Variants in SYN3 observed in about 807,000 individuals in gnomAD.
SYN3 encodes synapsin III, also known as synapsin-3.
A neutral mutation model predicts 65.8 loss-of-function variants in SYN3; 35 were observed. That is an observed-to-expected ratio of 0.53 (90% CI 0.41 to 0.70). The LOEUF is 0.70. Among genes scored for constraint, SYN3 ranks in the 30% least tolerant of loss-of-function variants. SYN3 has a pLI of 0.00. For synonymous variants in SYN3, 270 were observed against 292.9 expected, an observed-to-expected ratio of 0.92 and a Z score of 0.80; for missense variants, 680 against 749.0, an observed-to-expected ratio of 0.91 and a Z score of 1.08.
chr22:32,899,758 C>T (rs532207121), intron 4 of SYN3, among the ~76,000 whole-genome samples: 3 of 152,308 alleles, frequency 2.0e-5, no homozygotes, highest in South Asian at 2.1e-4. Context: ...TTTGAGCCTT[C>T]GTTCTTTTAC....
At chr22:32,793,388 T>C (rs1298644536) in intron 6 of SYN3, among the ~76,000 whole-genome samples, 1 of 152,220 alleles carries the variant, frequency 6.6e-6, no homozygotes, top group Admixed American at 6.5e-5. Context: ...CTTCTGACCT[T>C]GTGTCTTACC....
intron 4 of SYN3, among the ~76,000 whole-genome samples, chr22:32,870,467 C>T (rs936232471): frequency 6.6e-5 from 10 of 152,280 alleles, no homozygotes; most frequent in East Asian, 5.8e-4. Flanking sequence ...CAATCATCTA[C>T]TATTATCATA....
chr22:33,018,010 G>A (rs2053498648), intron 1 of SYN3, among the ~76,000 whole-genome samples: 1 of 152,132 alleles, frequency 6.6e-6, no homozygotes, highest in East Asian at 1.9e-4. Context: ...AAGCAGAGAG[G>A]GGTCAGATCA....
chr22:32,758,681 C>CATATATATATATATATATATAT (rs71187211), intron 6 of SYN3, among the ~76,000 whole-genome samples: 1,662 of 32,704 alleles, frequency 0.051, 382 homozygotes, highest in Non-Finnish European at 0.075. Flanking sequence ...TTACTAAACT[C>CATATATATATATATATATATAT]ATATATATAT....
At chr22:32,954,098 C>CGAA in intron 3 of SYN3, among the ~76,000 whole-genome samples, 1 of 137,212 alleles carries the variant, frequency 7.3e-6, no homozygotes, top group African/African-American at 2.8e-5. Flanking sequence ...GTACCCACAC[C>CGAA]CAACAAAACA....
intron 6 of SYN3, among the ~76,000 whole-genome samples, chr22:32,726,349 G>A (rs1356629018): frequency 1.3e-5 from 2 of 152,132 alleles, no homozygotes; most frequent in Non-Finnish European, 2.9e-5. Context: ...CACCATGTTG[G>A]CCAGGATGTT....
At chr22:32,561,105 C>T (rs1247513635) in intron 7 of SYN3, among the ~76,000 whole-genome samples, 11 of 152,248 alleles carry the variant, frequency 7.2e-5, no homozygotes, top group Middle Eastern at 3.4e-3. Flanking sequence ...GTGGACAGCC[C>T]CAGTCAGACG....
At chr22:32,550,668 T>C (rs2058400286) in intron 7 of SYN3, among the ~76,000 whole-genome samples, 1 of 150,736 alleles carries the variant, frequency 6.6e-6, no homozygotes, top group Non-Finnish European at 1.5e-5. Context: ...TATGCATTTT[T>C]CCCTGTGTCT....
At chr22:32,658,328 C>T (rs2060170647) in intron 6 of SYN3, among the ~76,000 whole-genome samples, 1 of 152,192 alleles carries the variant, frequency 6.6e-6, no homozygotes, top group Non-Finnish European at 1.5e-5. Flanking sequence ...GTTTGACTTC[C>T]CCCAACCCCG....
chr22:32,827,536 T>C (rs1050582138), intron 6 of SYN3, among the ~76,000 whole-genome samples: 6 of 152,216 alleles, frequency 3.9e-5, no homozygotes, highest in African/African-American at 1.4e-4. Flanking sequence ...CATGTGAGCT[T>C]TACAATGACC....
At chr22:32,526,338 CA>C (rs756937434) in intron 12 of SYN3, among the ~76,000 whole-genome samples, 52 of 152,144 alleles carry the variant, frequency 3.4e-4, no homozygotes, top group African/African-American at 9.6e-4. Flanking sequence ...AGGAGAAACA[CA>C]AACAAGAAAA....
At chr22:33,033,446 C>T (rs1215573063) in intron 1 of SYN3, among the ~76,000 whole-genome samples, 1 of 152,226 alleles carries the variant, frequency 6.6e-6, no homozygotes, top group East Asian at 1.9e-4. Context: ...CATCAGAGTT[C>T]TGTTGTAACC....
At chr22:32,994,146 C>T (rs1229170537) in intron 2 of SYN3, among the ~76,000 whole-genome samples, 4 of 152,094 alleles carry the variant, frequency 2.6e-5, no homozygotes, top group Admixed American at 6.5e-5. Context: ...TCAAAGGGCT[C>T]GGGGCTTGGG....
chr22:32,997,533 G>C (rs951113323), intron 2 of SYN3, among the ~76,000 whole-genome samples: 1 of 152,090 alleles, frequency 6.6e-6, no homozygotes, highest in African/African-American at 2.4e-5. Context: ...GTTTCTCCAC[G>C]CTCTGCCCCC....
At chr22:32,599,124 T>TA (rs1471436548) in intron 6 of SYN3, among the ~76,000 whole-genome samples, 1 of 152,160 alleles carries the variant, frequency 6.6e-6, no homozygotes, top group African/African-American at 2.4e-5. Flanking sequence ...AAATTGGGAG[T>TA]ATAGTGGATA....
At chr22:32,824,122 C>CA (rs2047334770) in intron 6 of SYN3, among the ~76,000 whole-genome samples, 1 of 151,856 alleles carries the variant, frequency 6.6e-6, no homozygotes, top group Non-Finnish European at 1.5e-5. Context: ...ACTAAAAATA[C>CA]AAAAAATTAA....
chr22:32,784,843 T>A (rs2046152809), intron 6 of SYN3: 1 of 152,176 alleles, frequency 6.6e-6, no homozygotes, highest in Non-Finnish European at 1.5e-5. Context: ...ATGTTGCTGA[T>A]TTTCTAATGG....
intron 7 of SYN3, among the ~76,000 whole-genome samples, chr22:32,563,192 A>G (rs1233463579): frequency 6.6e-6 from 1 of 152,252 alleles, no homozygotes; most frequent in Non-Finnish European, 1.5e-5. Flanking sequence ...GTTTAAGTAA[A>G]TTAACTCATG....
chr22:33,020,946 T>TA lies in SYN3; in HGVS notation c.-162-14123dup, dbSNP rs146274853. Among the ~76,000 whole-genome samples the TA allele has an allele frequency of 5.8e-3, 883 of 152,344 alleles. 7 individuals are homozygous for TA. The highest frequency in any genetic ancestry group is 0.028 in the South Asian group (136 of 4,824). Reference sequence around the variant, plus strand: ...AATGGGTATAATAGTACCTACCTCATAGAGTTCCTGCAACTTAACATATGC... The same window carrying TA: ...AATGGGTATAATAGTACCTACCTCATAAGAGTTCCTGCAACTTAACATATGC... On this transcript the variant is annotated intron_variant, in intron 1 of 13. Transcript: ENST00000358763.
Sources: gnomAD v4.1 joint callset for allele counts (sites outside exome capture counted in the v4.1 genomes callset) on GRCh38, gnomAD v4.1.1 for gene constraint, MANE v1.5 for transcripts, NCBI Gene and HGNC (gene_info 2026-07-23, HGNC 2026-07-21) for gene names.